The following GNB4 variants were observed in gnomAD, a reference collection of about 807,000 sequenced individuals.
GNB4 encodes the protein G protein subunit beta 4.
In GNB4, 28 loss-of-function variants were observed where a neutral mutation model predicts 45.2. That is an observed-to-expected ratio of 0.62 (90% CI 0.46 to 0.85). GNB4 has a LOEUF of 0.85. Ranked by LOEUF, GNB4 falls within the 40% of genes least tolerant of loss-of-function variation. The pLI is 0.00. For missense variants in GNB4, 321 were observed against 425.4 expected (o/e 0.75, Z 2.16); for synonymous variants, 132 against 143.7 (o/e 0.92, Z 0.58).
At chr3:179,508,119 A>G in the GNB4 span, among the ~76,000 whole-genome samples, 3 of 152,224 alleles carry the variant, frequency 2.0e-5, no homozygotes, top group East Asian at 1.9e-4. Context: ...AAAGTATCCA[A>G]ATGGAAATGA....
At chr3:179,467,939 G>A in the GNB4 span, among the ~76,000 whole-genome samples, 3 of 150,276 alleles carry the variant, frequency 2.0e-5, no homozygotes, top group Non-Finnish European at 4.4e-5. Flanking sequence ...AATAAACATT[G>A]AAAATTTGCA....
At chr3:179,465,020 G>GC in the GNB4 span, 1 of 1,519,806 alleles carries the variant, frequency 6.6e-7, no homozygotes, top group Non-Finnish European at 9.1e-7. Context: ...CGGAGGTGAT[G>GC]CCACTGTTAC....
At chr3:179,408,765 C>T (rs1370157431) in intron 8 of GNB4, among the ~76,000 whole-genome samples, 1 of 151,366 alleles carries the variant, frequency 6.6e-6, no homozygotes. Flanking sequence ...GCACTCCAGC[C>T]TGGGTGACAG....
chr3:179,458,483 A>G, the GNB4 span, among the ~76,000 whole-genome samples: 1 of 152,216 alleles, frequency 6.6e-6, no homozygotes, highest in Non-Finnish European at 1.5e-5. Context: ...CTTTGGCAAA[A>G]GCAAAAACAA....
chr3:179,523,032 A>C, the GNB4 span, among the ~76,000 whole-genome samples: 2 of 152,140 alleles, frequency 1.3e-5, no homozygotes, highest in Non-Finnish European at 2.9e-5. Context: ...CTATGGGGTC[A>C]GCTAGGTTTG....
At chr3:179,489,764 A>G in the GNB4 span, among the ~76,000 whole-genome samples, 2 of 152,258 alleles carry the variant, frequency 1.3e-5, no homozygotes, top group African/African-American at 2.4e-5. Context: ...TGTATGCTGG[A>G]GAATTGTCAT....
the GNB4 span, among the ~76,000 whole-genome samples, chr3:179,482,424 C>T: frequency 1.4e-4 from 21 of 152,314 alleles, no homozygotes; most frequent in African/African-American, 5.1e-4. Flanking sequence ...TTATTTTCAT[C>T]TGTGAACTTT....
At chr3:179,442,190 G>A (rs140668733) in intron 1 of GNB4, among the ~76,000 whole-genome samples, 260 of 152,222 alleles carry the variant, frequency 1.7e-3, no homozygotes, top group Non-Finnish European at 3.0e-3. Context: ...AAAGTATTAC[G>A]TCATTGAAAC....
At chr3:179,454,789 A>G (rs930897643), upstream of GNB4, among the ~76,000 whole-genome samples, 2 of 152,178 alleles carry the variant, frequency 1.3e-5, no homozygotes, top group Non-Finnish European at 2.9e-5. Flanking sequence ...AGGCCAAATT[A>G]TATACATACA....
Position 179,400,201 on chromosome 3 carries a change from CA to C in GNB4, c.*1011del, listed in dbSNP as rs1292215813. 6.6e-6 allele frequency: 1 copy of C among 152,172 alleles called. No individual in the cohort carries two copies. Among genetic ancestry groups the C allele is most frequent in the African/African-American group, 2.4e-5 (1 of 41,426 alleles). 9.4% of individuals were successfully genotyped at this position (152,172 alleles called of 1,614,324 possible). Reference sequence around the variant, plus strand: ...CAATTCAGATTTTATAGTATGCAAACATGAAATAAACCACCGTATTACAACA... The same window carrying C: ...CAATTCAGATTTTATAGTATGCAAACTGAAATAAACCACCGTATTACAACA... On this transcript the variant is annotated 3_prime_UTR_variant, in exon 10 of 10. Transcript: ENST00000232564.
At chr3:179,497,177 A>T in the GNB4 span, among the ~76,000 whole-genome samples, 1 of 152,172 alleles carries the variant, frequency 6.6e-6, no homozygotes, top group Non-Finnish European at 1.5e-5. Context: ...AGGGAAAGGA[A>T]TAGTGAGTCC....
chr3:179,482,082 T>G, the GNB4 span, among the ~76,000 whole-genome samples: 1 of 151,908 alleles, frequency 6.6e-6, no homozygotes, highest in African/African-American at 2.4e-5. Flanking sequence ...TTTGTGTTTT[T>G]TGTAGAGACG....
chr3:179,460,189 T>G, the GNB4 span, among the ~76,000 whole-genome samples: 1 of 152,212 alleles, frequency 6.6e-6, no homozygotes, highest in African/African-American at 2.4e-5. Context: ...CCATCTTACT[T>G]TCTGAGTTTC....
At chr3:179,499,427 G>A in the GNB4 span, among the ~76,000 whole-genome samples, 12 of 152,112 alleles carry the variant, frequency 7.9e-5, no homozygotes, top group Admixed American at 2.0e-4. Context: ...CCAAAGTGCC[G>A]GGATTACAGG....
chr3:179,522,181 C>T, the GNB4 span, among the ~76,000 whole-genome samples: 1 of 152,162 alleles, frequency 6.6e-6, no homozygotes, highest in African/African-American at 2.4e-5. Context: ...CATTCCACCA[C>T]AAAAGAAGTT....
intron 1 of GNB4, among the ~76,000 whole-genome samples, chr3:179,435,120 G>C (rs1001327775): frequency 6.6e-6 from 1 of 152,094 alleles, no homozygotes; most frequent in African/African-American, 2.4e-5. Flanking sequence ...CTTAAGAATA[G>C]AGTTCAGATT....
At position 179,401,185 on chromosome 3, in the gene GNB4, C is replaced by G; in HGVS notation, c.*28G>C. 3 of 1,479,800 alleles carry G rather than the reference C, an allele frequency of 2.0e-6. No individual in the cohort carries two copies. Among genetic ancestry groups the G allele is most frequent in the Non-Finnish European group, 2.8e-6 (3 of 1,062,332 alleles). The allele number at this position is 1,479,800 out of a possible 1,614,324, so 91.7% of individuals were successfully genotyped here. A position where few individuals can be genotyped will look rare whatever the true frequency, so the allele number is the denominator to read the frequency against. ...GTAGCATTGATTTCTCCAGATATAT[C>G]AATGGAGAACAAATATGTATGACAC... On this transcript the variant is annotated 3_prime_UTR_variant, in exon 10 of 10. Transcript: ENST00000232564.
At chr3:179,409,330 A>C (rs1714575207) in intron 8 of GNB4, among the ~76,000 whole-genome samples, 1 of 150,350 alleles carries the variant, frequency 6.7e-6, no homozygotes, top group Non-Finnish European at 1.5e-5. Context: ...GACCACATGG[A>C]GAAACCTCGT....
intron 2 of GNB4, among the ~76,000 whole-genome samples, chr3:179,421,288 G>C (rs939426034): frequency 2.6e-5 from 4 of 151,978 alleles, no homozygotes; most frequent in African/African-American, 9.7e-5. Context: ...CAAAATTTGA[G>C]AGATGTCAAT....
Sources: allele counts gnomAD v4.1 joint callset (sites outside exome capture counted in the v4.1 genomes callset), GRCh38; gene constraint gnomAD v4.1.1; transcripts MANE v1.5; gene names NCBI Gene and HGNC (gene_info 2026-07-23, HGNC 2026-07-21).